Variants in DPY19L3 observed in about 807,000 individuals in gnomAD.
DPY19L3 encodes dpy-19 like C-mannosyltransferase 3.
DPY19L3 carries 51 observed loss-of-function variants against 92.3 expected under a neutral mutation model. The observed-to-expected ratio is 0.55, with a 90% CI of 0.44 to 0.70. The LOEUF (loss-of-function observed/expected upper bound fraction) is 0.70, where lower values mean the gene tolerates loss of function less well. Among genes scored for constraint, DPY19L3 ranks in the 30% least tolerant of loss-of-function variants. The probability of loss-of-function intolerance (pLI) is 0.00; values close to 1 mark genes in which losing one functional copy is unlikely to be tolerated. For missense variants in DPY19L3, 706 were observed against 855.9 expected, an observed-to-expected ratio of 0.82 and a Z score of 2.18; for synonymous variants, 309 against 315.2, an observed-to-expected ratio of 0.98 and a Z score of 0.21.
In DPY19L3 at chr19:32,477,322, T is replaced by TTTC. The variant is rs564259176; in HGVS notation, c.1698-200_1698-199insTTC. 1.1e-4 allele frequency among the ~76,000 whole-genome samples: 17 copies of TTTC among 152,022 alleles called. No homozygotes were observed. The South Asian group carries it at 2.1e-3, about 19-fold the overall frequency. ...TAACTGAGGTTTTTGCCATTGAAAG[T>TTTC]AATGGCAAAAACCGCAATTACTTTT... On this transcript the variant is annotated intron_variant, in intron 16 of 18. Transcript: ENST00000392250.
At chr19:32,425,726 A>G (rs1968738960) in intron 3 of DPY19L3, among the ~76,000 whole-genome samples, 1 of 152,092 alleles carries the variant, frequency 6.6e-6, no homozygotes, top group East Asian at 1.9e-4. Flanking sequence ...AGATCTCAAC[A>G]GTGGGCCTAA....
At chr19:32,458,260 T>A (rs2145578507) in intron 11 of DPY19L3, 87 bp downstream of exon 11, 3 of 1,577,876 alleles carry the variant, frequency 1.9e-6, no homozygotes, top group Non-Finnish European at 2.6e-6. Context: ...TGCCTTCAAC[T>A]ATTAATTGCA....
chr19:32,454,513 G>A (rs778850884), intron 9 of DPY19L3, among the ~76,000 whole-genome samples: 16 of 152,184 alleles, frequency 1.1e-4, no homozygotes, highest in Non-Finnish European at 1.8e-4. Context: ...GGCGGAGCTT[G>A]CAGTGAGCGG....
intron 17 of DPY19L3, among the ~76,000 whole-genome samples, chr19:32,479,907 G>A (rs1970622429): frequency 6.6e-6 from 1 of 152,206 alleles, no homozygotes; most frequent in Admixed American, 6.5e-5. Flanking sequence ...TGCTGCCCCA[G>A]CCTAGGAGCA....
chr19:32,430,444 G>C (rs995947643), intron 3 of DPY19L3, among the ~76,000 whole-genome samples: 26 of 151,778 alleles, frequency 1.7e-4, no homozygotes, highest in Admixed American at 1.3e-3. Context: ...GATTTCCCCA[G>C]GATAAATTGG....
intron 7 of DPY19L3, 77 bp downstream of exon 7, chr19:32,439,312 G>T: frequency 6.9e-7 from 1 of 1,455,386 alleles, no homozygotes. Context: ...GATGTGCTTA[G>T]TATCCCAATG....
intron 8 of DPY19L3, among the ~76,000 whole-genome samples, chr19:32,445,388 T>C: frequency 7.9e-6 from 1 of 126,142 alleles, no homozygotes; most frequent in Non-Finnish European, 1.6e-5. Context: ...TTGCAGTGAG[T>C]CTAGATCGCG....
At chr19:32,457,662 A>AGTCTT (rs1258289040) in intron 10 of DPY19L3, among the ~76,000 whole-genome samples, 13 of 152,334 alleles carry the variant, frequency 8.5e-5, no homozygotes, top group Admixed American at 7.8e-4. Context: ...TGAGTGAATA[A>AGTCTT]GTCTTGGATC....
At position 32,439,837 on chromosome 19, in the gene DPY19L3, A is replaced by G. The variant is rs1198396072; in HGVS notation, c.782A>G (p.Asn261Ser). The G allele has an allele frequency of 1.9e-6, 3 of 1,613,904 alleles. No individual in the cohort carries two copies. The highest frequency in any genetic ancestry group is 8.5e-7 in the Non-Finnish European group (1 of 1,179,832). ...CTCTTTAGTCTGACATGGCAATTTA[A>G]TCAATTTATGATGCTGATGCAAGCA... ...TFLFSLTWQF[N>S]QFMMLMQALV... is the part of the protein sequence containing the mutation. The change falls in exon 8 of 19, where the codon AAT (asparagine) becomes AGT (serine). Residue 261 changes from asparagine to serine, a missense_variant. Physicochemically the swap from Asn to Ser is conservative, Grantham distance 46. Transcript: ENST00000392250.
chr19:32,481,799 T>C, intron 18 of DPY19L3: 1 of 355,108 alleles, frequency 2.8e-6, no homozygotes, highest in South Asian at 4.7e-5. Context: ...AGAGACAGTA[T>C]AGTATGTTCC....
At chr19:32,448,565 C>G (rs1969593956) in intron 8 of DPY19L3, among the ~76,000 whole-genome samples, 1 of 152,010 alleles carries the variant, frequency 6.6e-6, no homozygotes, top group South Asian at 2.1e-4. Context: ...ATAAAGTAAG[C>G]TAGAGAAAGG....
At chr19:32,438,879 G>C (rs1969232407) in intron 6 of DPY19L3, 1 of 381,010 alleles carries the variant, frequency 2.6e-6, no homozygotes, top group East Asian at 4.0e-5. Context: ...TTGAACCCTA[G>C]GTGCTAAGGG....
At chr19:32,413,283 T>C (rs941094430) in intron 3 of DPY19L3, 1 of 152,210 alleles carries the variant, frequency 6.6e-6, no homozygotes, top group Admixed American at 6.5e-5. Context: ...GAGCTTTGAT[T>C]CTCTTACTGA....
intron 4 of DPY19L3, among the ~76,000 whole-genome samples, chr19:32,436,087 A>C (rs1969128630): frequency 6.6e-6 from 1 of 152,250 alleles, no homozygotes; most frequent in South Asian, 2.1e-4. Flanking sequence ...GTGGAGAAGG[A>C]AGGCCATGTA....
intron 2 of DPY19L3, 53 bp from the exon 3 acceptor site, chr19:32,411,186 C>T (rs1315825633): frequency 1.9e-6 from 3 of 1,550,230 alleles, no homozygotes; most frequent in Non-Finnish European, 2.6e-6. Context: ...AGAACTATTA[C>T]ATTCTGATTT....
chr19:32,467,627 G>A lies in DPY19L3; in HGVS notation c.1615-1104G>A, dbSNP rs61743264. The A allele has an allele frequency of 6.6e-4, 654 of 987,560 alleles. 5 individuals carry two copies. The African/African-American group carries it at 0.011, about 16-fold the overall frequency. 61.2% of individuals were successfully genotyped at this position (987,560 alleles called of 1,614,324 possible). ...TCAAACACAGCCAGAGATCAATCAG[G>A]TGCTGCTTTGATTCTACTAGTGGTT... On this transcript the variant is annotated intron_variant, in intron 15 of 18. Transcript: ENST00000392250.
At chr19:32,462,497 C>T (rs372026434) in intron 12 of DPY19L3, among the ~76,000 whole-genome samples, 5 of 149,954 alleles carry the variant, frequency 3.3e-5, no homozygotes, top group Non-Finnish European at 5.9e-5. Flanking sequence ...ATCATAACCC[C>T]GTGAAGTGTT....
At chr19:32,479,324 C>G (rs1970604138) in intron 17 of DPY19L3, among the ~76,000 whole-genome samples, 1 of 152,000 alleles carries the variant, frequency 6.6e-6, no homozygotes, top group African/African-American at 2.4e-5. Flanking sequence ...GGGGTGGCCT[C>G]TACTGCTTGG....
intron 15 of DPY19L3, among the ~76,000 whole-genome samples, chr19:32,465,727 T>C (rs1970181083): frequency 6.6e-6 from 1 of 152,164 alleles, no homozygotes; most frequent in South Asian, 2.1e-4. Flanking sequence ...CTAAATACTA[T>C]ATTGTAAATA....
Sources: allele counts gnomAD v4.1 joint callset (sites outside exome capture counted in the v4.1 genomes callset), GRCh38; gene constraint gnomAD v4.1.1; transcripts MANE v1.5; gene names NCBI Gene and HGNC (gene_info 2026-07-23, HGNC 2026-07-21).